Variants in TTLL5 observed in about 807,000 individuals in gnomAD.
TTLL5 encodes tubulin tyrosine ligase like 5, also known as tubulin polyglutamylase TTLL5.
TTLL5 carries 132 observed loss-of-function variants against 168.4 expected under a neutral mutation model. The observed-to-expected ratio is 0.78, with a 90% CI of 0.68 to 0.91. The LOEUF is 0.91. Among genes scored for constraint, TTLL5 ranks in the 40% least tolerant of loss-of-function variants. TTLL5 has a pLI of 0.00. For missense variants in TTLL5, 1,545 were observed against 1,581.5 expected (o/e 0.98, Z 0.39); for synonymous variants, 546 against 558.6 (o/e 0.98, Z 0.32).
intron 29 of TTLL5, among the ~76,000 whole-genome samples, chr14:75,868,644 CTG>C (rs2030737484): frequency 1.3e-5 from 2 of 152,174 alleles, no homozygotes; most frequent in Admixed American, 6.5e-5. Context: ...TTTGCTAATG[CTG>C]TGTGTGTATA....
chr14:75,854,766 T>C (rs1420512358), intron 28 of TTLL5, among the ~76,000 whole-genome samples: 1 of 152,196 alleles, frequency 6.6e-6, no homozygotes, highest in Non-Finnish European at 1.5e-5. Context: ...GAACTTTTCA[T>C]TTGCTTGTTA....
chr14:75,670,849 A>G (rs545631647), intron 3 of TTLL5, among the ~76,000 whole-genome samples: 54 of 152,270 alleles, frequency 3.5e-4, no homozygotes, highest in African/African-American at 1.3e-3. Flanking sequence ...TTACTCTGTG[A>G]ATTGTCTTTC....
chr14:75,695,494 C>G (rs1885771490), intron 6 of TTLL5, among the ~76,000 whole-genome samples: 1 of 152,166 alleles, frequency 6.6e-6, no homozygotes. Context: ...GTGACCCACA[C>G]CCTATTCGTA....
intron 3 of TTLL5, among the ~76,000 whole-genome samples, chr14:75,673,586 T>C (rs1883909341): frequency 6.6e-6 from 1 of 152,226 alleles, no homozygotes. Flanking sequence ...TCATTATTAG[T>C]AAAATCATTA....
At chr14:75,890,809 T>C (rs1409912726) in intron 30 of TTLL5, among the ~76,000 whole-genome samples, 1 of 152,182 alleles carries the variant, frequency 6.6e-6, no homozygotes, top group East Asian at 1.9e-4. Context: ...AGCCTCTGTC[T>C]CCCAGGTTCA....
rs1361063720 is a variant in TTLL5, at chr14:75,719,583, A to G, written c.843-152A>G. 83 of 606,854 alleles carry G rather than the reference A, an allele frequency of 1.4e-4. 1 individual carries two copies. The South Asian group carries it at 2.2e-3, about 16-fold the overall frequency. 37.6% of individuals were successfully genotyped at this position (606,854 alleles called of 1,614,324 possible). A position where few individuals can be genotyped will look rare whatever the true frequency, so the allele number is the denominator to read the frequency against. ...AATTGGTATGAAAGGATATATGACAAAAAGGACCAAGAAAAAATGAGTAAC... is the reference window on the plus strand; with the variant it reads ...AATTGGTATGAAAGGATATATGACAGAAAGGACCAAGAAAAAATGAGTAAC... On this transcript the variant is annotated intron_variant, in intron 10 of 31. Coordinates refer to ENST00000298832, the MANE Select transcript of TTLL5 (RefSeq NM_015072.5).
intron 5 of TTLL5, among the ~76,000 whole-genome samples, chr14:75,688,932 T>C (rs560822002): frequency 6.6e-6 from 1 of 152,332 alleles, no homozygotes; most frequent in South Asian, 2.1e-4. Flanking sequence ...GTAAAATGTG[T>C]CCATAAATTC....
chr14:75,720,583 T>G lies in TTLL5; in HGVS notation c.935-13T>G, dbSNP rs1450482842. ...TGATATTGAGTCTGAAATTTAAAAA[T>G]TTTTGTTTGCAGCATTGATGGCCCA... On this transcript the variant is annotated splice_polypyrimidine_tract_variant and intron_variant, in intron 11 of 31. Transcript: ENST00000298832. 6.2e-7 allele frequency: 1 copy of G among 1,602,742 alleles called. No individual in the cohort carries two copies. The highest frequency in any genetic ancestry group is 1.1e-5 in the South Asian group (1 of 90,634).
intron 31 of TTLL5, among the ~76,000 whole-genome samples, chr14:75,922,640 A>T (rs1245521396): frequency 6.6e-6 from 1 of 152,170 alleles, no homozygotes; most frequent in Non-Finnish European, 1.5e-5. Flanking sequence ...CCAGTATTTT[A>T]TTGAGGATTT....
At chr14:75,759,185 C>G in intron 18 of TTLL5, among the ~76,000 whole-genome samples, 1 of 152,162 alleles carries the variant, frequency 6.6e-6, no homozygotes, top group East Asian at 1.9e-4. Flanking sequence ...ACTATAGATT[C>G]AACAGACATA....
At chr14:75,879,858 G>C (rs182891987) in intron 29 of TTLL5, among the ~76,000 whole-genome samples, 1 of 152,244 alleles carries the variant, frequency 6.6e-6, no homozygotes, top group African/African-American at 2.4e-5. Flanking sequence ...TACCCAGCTG[G>C]TTAAAACTTG....
chr14:75,904,016 C>T, intron 31 of TTLL5: 4 of 971,834 alleles, frequency 4.1e-6, no homozygotes, highest in Non-Finnish European at 5.1e-6. Context: ...GCTATAACTA[C>T]TGTAACTACA....
intron 17 of TTLL5, among the ~76,000 whole-genome samples, chr14:75,748,439 G>A (rs1277520793): frequency 6.6e-6 from 1 of 152,084 alleles, no homozygotes; most frequent in Non-Finnish European, 1.5e-5. Context: ...CTGTTCTCCT[G>A]TTGTTAAGTA....
intron 31 of TTLL5, among the ~76,000 whole-genome samples, chr14:75,941,681 C>G (rs1447253344): frequency 6.6e-6 from 1 of 151,358 alleles, no homozygotes; most frequent in East Asian, 1.9e-4. Context: ...TTCTTTTTTT[C>G]TGAGACAGGT....
intron 30 of TTLL5, among the ~76,000 whole-genome samples, chr14:75,889,593 A>T (rs906674501): frequency 1.3e-4 from 20 of 152,106 alleles, no homozygotes; most frequent in African/African-American, 4.6e-4. Flanking sequence ...TGGAAGGCCG[A>T]GGCAGGTGGG....
intron 28 of TTLL5, among the ~76,000 whole-genome samples, chr14:75,823,098 G>C (rs962218688): frequency 1.3e-5 from 2 of 152,176 alleles, no homozygotes; most frequent in Non-Finnish European, 2.9e-5. Flanking sequence ...GGCCGACTTA[G>C]AATTATACAG....
chr14:75,873,899 T>C (rs1363807158), intron 29 of TTLL5, among the ~76,000 whole-genome samples: 5 of 152,194 alleles, frequency 3.3e-5, no homozygotes, highest in East Asian at 1.9e-4. Flanking sequence ...TAAAATGATA[T>C]TAAAGAAAGT....
chr14:75,664,663 A>G lies in TTLL5; in HGVS notation c.74+1440A>G, dbSNP rs541669708. Among the ~76,000 whole-genome samples, 6 of 152,364 alleles carry G rather than the reference A, an allele frequency of 3.9e-5. No individual in the cohort carries two copies. The East Asian group carries it at 1.2e-3, about 29-fold the overall frequency. On this transcript the variant is annotated intron_variant, in intron 2 of 31. Transcript: ENST00000298832. ...TTCTTATCACTGTTAGGTCATAGAA[A>G]CTAATAGAGATTTGAAAGTATATTT...
rs138607959 is a variant in TTLL5, at chr14:75,843,523, A to G, written c.3327-20144A>G. Among the ~76,000 whole-genome samples the G allele has an allele frequency of 8.5e-3, 1,289 of 152,358 alleles. 11 individuals are homozygous for G. Among genetic ancestry groups the G allele is most frequent in the Non-Finnish European group, 0.014 (963 of 68,032 alleles). ...TCATCTTACACAAGAAGGAAATGAA[A>G]TCTTATTTTTTGTTGTCAACTATTT... On this transcript the variant is annotated intron_variant, in intron 28 of 31. Coordinates refer to ENST00000298832, the MANE Select transcript of TTLL5 (RefSeq NM_015072.5).
Sources: allele counts gnomAD v4.1 joint callset (sites outside exome capture counted in the v4.1 genomes callset), GRCh38; gene constraint gnomAD v4.1.1; transcripts MANE v1.5; gene names NCBI Gene and HGNC (gene_info 2026-07-23, HGNC 2026-07-21).